The following TTC7A variants were observed in gnomAD, a reference collection of about 807,000 sequenced individuals.
TTC7A encodes the protein tetratricopeptide repeat protein 7A.
A neutral mutation model predicts 103.7 loss-of-function variants in TTC7A; 110 were observed. That is an observed-to-expected ratio of 1.06 (90% CI 0.91 to 1.24). The LOEUF is 1.24. Ranked by LOEUF, TTC7A falls within the 50% of genes most tolerant of loss-of-function variation. TTC7A has a pLI of 0.00. For missense variants in TTC7A, 1,340 were observed against 1,116.3 expected, an observed-to-expected ratio of 1.20 and a Z score of -2.86; for synonymous variants, 521 against 467.9, an observed-to-expected ratio of 1.11 and a Z score of -1.47.
intron 18 of TTC7A, among the ~76,000 whole-genome samples, chr2:47,058,180 A>G (rs1683475194): frequency 6.6e-6 from 1 of 151,884 alleles, no homozygotes; most frequent in African/African-American, 2.4e-5. Flanking sequence ...TGCCTTGGGA[A>G]TCTCCATTTC....
chr2:46,954,542 A>T (rs1302981553), intron 2 of TTC7A, among the ~76,000 whole-genome samples: 1 of 150,194 alleles, frequency 6.7e-6, no homozygotes. Context: ...AGGGCAAGGT[A>T]GATATCCTTT....
upstream of TTC7A, among the ~76,000 whole-genome samples, chr2:46,937,944 GAA>G (rs1389144124): frequency 2.6e-5 from 4 of 152,182 alleles, no homozygotes; most frequent in Non-Finnish European, 4.4e-5. This position sits in a 1 kb window ranked among gnomAD's most constrained non-coding sequence, Gnocchi z 4.0. Context: ...GTAAAAGAGA[GAA>G]GTCTGATGGA....
intron 1 of TTC7A, among the ~76,000 whole-genome samples, chr2:46,946,763 C>T (rs1398324554): frequency 1.3e-5 from 2 of 151,908 alleles, no homozygotes; most frequent in Non-Finnish European, 1.5e-5. Flanking sequence ...ACTTCTAATT[C>T]CGAAACATCC....
At chr2:47,070,017 C>T (rs987796168) in intron 19 of TTC7A, among the ~76,000 whole-genome samples, 1 of 152,098 alleles carries the variant, frequency 6.6e-6, no homozygotes, top group Non-Finnish European at 1.5e-5. Flanking sequence ...GAGGGCTCAG[C>T]CTGGCCCACA....
At chr2:47,054,192 G>A in intron 18 of TTC7A, 2 of 984,892 alleles carry the variant, frequency 2.0e-6, no homozygotes, top group Non-Finnish European at 2.4e-6. Context: ...CAGTTTGGGT[G>A]CATGTAGCAG....
upstream of TTC7A, chr2:46,916,078 A>T (rs1668771107): frequency 1.0e-6 from 1 of 985,380 alleles, no homozygotes; most frequent in Non-Finnish European, 1.2e-6. Context: ...GCCCTCAGGA[A>T]CGTAGTTCCA....
At chr2:47,031,682 T>C (rs2104605903) in intron 15 of TTC7A, among the ~76,000 whole-genome samples, 1 of 152,370 alleles carries the variant, frequency 6.6e-6, no homozygotes, top group South Asian at 2.1e-4. Flanking sequence ...AGGTGATTTG[T>C]ACCTGCCCAG....
At chr2:47,019,607 A>G (rs1679060711) in intron 11 of TTC7A, among the ~76,000 whole-genome samples, 1 of 152,100 alleles carries the variant, frequency 6.6e-6, no homozygotes, top group South Asian at 2.1e-4. Context: ...TTATAAAGCT[A>G]AAGGATGATT....
chr2:47,048,867 T>C (rs1682586362), intron 16 of TTC7A, among the ~76,000 whole-genome samples: 1 of 152,148 alleles, frequency 6.6e-6, no homozygotes, highest in Non-Finnish European at 1.5e-5. Flanking sequence ...CCTCCCAAAG[T>C]GCTGGGATTA....
At chr2:46,963,482 T>G (rs1232591578) in intron 3 of TTC7A, among the ~76,000 whole-genome samples, 1 of 152,220 alleles carries the variant, frequency 6.6e-6, no homozygotes, top group Non-Finnish European at 1.5e-5. Context: ...TTCCAGTTTC[T>G]TAGCTTGGAG....
intron 19 of TTC7A, among the ~76,000 whole-genome samples, chr2:47,071,608 C>T (rs182551997): frequency 3.9e-5 from 6 of 152,310 alleles, no homozygotes; most frequent in East Asian, 3.9e-4. Context: ...GCCATTTGCC[C>T]GTGGTCACAG....
intron 19 of TTC7A, among the ~76,000 whole-genome samples, chr2:47,070,656 T>G (rs1684601037): frequency 6.6e-6 from 1 of 151,624 alleles, no homozygotes. Flanking sequence ...GAGAGCAGAG[T>G]CTCGAGCACT....
At chr2:46,986,913 C>T (rs1448721898) in intron 5 of TTC7A, among the ~76,000 whole-genome samples, 3 of 152,192 alleles carry the variant, frequency 2.0e-5, no homozygotes, top group African/African-American at 7.2e-5. Context: ...CTGGGCCTCC[C>T]TGTCTCTGGC....
At chr2:46,973,247 C>G (rs1055313060) in intron 3 of TTC7A, among the ~76,000 whole-genome samples, 25 of 152,248 alleles carry the variant, frequency 1.6e-4, no homozygotes, top group African/African-American at 5.5e-4. Context: ...GAAACTTGTC[C>G]TCGCGTTTTA....
At chr2:46,936,917 C>T (rs571210396), upstream of TTC7A, among the ~76,000 whole-genome samples, 1 of 150,914 alleles carries the variant, frequency 6.6e-6, no homozygotes, top group South Asian at 2.1e-4. Flanking sequence ...TGCAGTGGCA[C>T]GATCTCAGCT....
chr2:47,042,702 G>GTGTGTGTATA lies in TTC7A; in HGVS notation c.1803-3612_1803-3611insGTGTGTATAT, dbSNP rs111460716. ...TGTGTGTGTGTGTGTGTGTGTGTGT[G>GTGTGTGTATA]TATATATATGTATAAAGTAATTAAG... On this transcript the variant is annotated intron_variant, in intron 15 of 19. Coordinates refer to ENST00000319190, the MANE Select transcript of TTC7A (RefSeq NM_020458.4). 9.8e-5 allele frequency among the ~76,000 whole-genome samples: 14 copies of GTGTGTGTATA among 142,724 alleles called. No individual in the cohort carries two copies. In the South Asian group the frequency reaches 1.1e-3, roughly 11 times the overall value. 93.6% of individuals were successfully genotyped at this position (142,724 alleles called of 152,430 possible). A position where few individuals can be genotyped will look rare whatever the true frequency, so the allele number is the denominator to read the frequency against.
At chr2:47,014,609 G>A (rs1377216369) in intron 11 of TTC7A, among the ~76,000 whole-genome samples, 1 of 152,214 alleles carries the variant, frequency 6.6e-6, no homozygotes, top group East Asian at 1.9e-4. Flanking sequence ...GGTCTGCCTG[G>A]CAGGCAGGGG....
chr2:46,998,251 G>A (rs1676422144), intron 8 of TTC7A, among the ~76,000 whole-genome samples: 1 of 152,204 alleles, frequency 6.6e-6, no homozygotes, highest in African/African-American at 2.4e-5. Context: ...ATTTGGGGGA[G>A]AGTATTGGCA....
intron 15 of TTC7A, among the ~76,000 whole-genome samples, chr2:47,036,591 C>G (rs977204723): frequency 6.6e-6 from 1 of 152,182 alleles, no homozygotes; most frequent in Non-Finnish European, 1.5e-5. Context: ...AAATCATACC[C>G]TCTAGGCTGG....
Sources: allele counts gnomAD v4.1 joint callset (sites outside exome capture counted in the v4.1 genomes callset), GRCh38; gene constraint gnomAD v4.1.1; non-coding constraint Gnocchi (gnomAD v3.1); transcripts MANE v1.5; gene names NCBI Gene and HGNC (gene_info 2026-07-23, HGNC 2026-07-21).